The following CDH13 variants were observed in gnomAD, a reference collection of about 807,000 sequenced individuals.
The protein encoded by CDH13 is cadherin 13.
A neutral mutation model predicts 63.8 loss-of-function variants in CDH13; 24 were observed. The observed-to-expected ratio is 0.38, with a 90% confidence interval of 0.27 to 0.53. The LOEUF (loss-of-function observed/expected upper bound fraction) is 0.53, where lower values mean the gene tolerates loss of function less well. CDH13 is among the 20% of genes least tolerant of loss of function. CDH13 has a pLI of 0.85. For missense variants in CDH13, 1,049 were observed against 903.1 expected (o/e 1.16, Z -2.07); for synonymous variants, 503 against 355.3 (o/e 1.42, Z -4.67).
chr16:83,627,324 C>T (rs1311119241), intron 8 of CDH13, among the ~76,000 whole-genome samples: 1 of 152,074 alleles, frequency 6.6e-6, no homozygotes. Flanking sequence ...ATTCATGGAC[C>T]TAATACCCCA....
intron 7 of CDH13, among the ~76,000 whole-genome samples, chr16:83,524,797 G>T (rs1190487880): frequency 6.6e-6 from 1 of 152,068 alleles, no homozygotes; most frequent in Admixed American, 6.5e-5. Context: ...AGAGGTCTTG[G>T]CAAACCTGTA....
intron 7 of CDH13, among the ~76,000 whole-genome samples, chr16:83,547,611 G>A (rs921325633): frequency 2.0e-5 from 3 of 152,182 alleles, no homozygotes; most frequent in South Asian, 2.1e-4. Context: ...CTCCATCCAT[G>A]TTCCTGCAAA....
At chr16:83,023,885 ATGT>A (rs1331197859) in intron 2 of CDH13, among the ~76,000 whole-genome samples, 2 of 152,162 alleles carry the variant, frequency 1.3e-5, no homozygotes, top group Non-Finnish European at 2.9e-5. Flanking sequence ...GTAAAAGAAA[ATGT>A]TGTGGCTTGT....
At chr16:83,112,054 G>T (rs566945507) in intron 3 of CDH13, among the ~76,000 whole-genome samples, 1 of 152,156 alleles carries the variant, frequency 6.6e-6, no homozygotes, top group South Asian at 2.1e-4. Flanking sequence ...GAGTTCTAGG[G>T]CTTTGTTCCA....
At chr16:83,309,555 T>G (rs2089955059) in intron 5 of CDH13, among the ~76,000 whole-genome samples, 1 of 151,986 alleles carries the variant, frequency 6.6e-6, no homozygotes, top group Admixed American at 6.6e-5. Flanking sequence ...TTTTGTATTT[T>G]TAGTGAAGAT....
intron 2 of CDH13, among the ~76,000 whole-genome samples, chr16:82,993,932 C>T (rs538784260): frequency 6.6e-6 from 1 of 152,054 alleles, no homozygotes; most frequent in Non-Finnish European, 1.5e-5. Flanking sequence ...AGCAAGCACT[C>T]CCCCTCCGTT....
At chr16:83,425,394 C>T (rs1200611744) in intron 6 of CDH13, among the ~76,000 whole-genome samples, 1 of 152,232 alleles carries the variant, frequency 6.6e-6, no homozygotes, top group Non-Finnish European at 1.5e-5. Flanking sequence ...ATTGTTCTTA[C>T]CCTTGAACCA....
chr16:83,378,832 C>G (rs1025169237), intron 6 of CDH13, among the ~76,000 whole-genome samples: 8 of 152,202 alleles, frequency 5.3e-5, no homozygotes, highest in African/African-American at 1.4e-4. Context: ...TACAAACACC[C>G]TAAAATCATC....
In CDH13 at chr16:82,915,011, C is replaced by T. The variant is rs188637939; in HGVS notation, c.157+56538C>T. 1.6e-3 allele frequency among the ~76,000 whole-genome samples: 246 copies of T among 152,322 alleles called. 1 individual carries two copies. Among genetic ancestry groups the T allele is most frequent in the Non-Finnish European group, 2.9e-3 (195 of 68,034 alleles). On this transcript the variant is annotated intron_variant, in intron 2 of 13. Transcript: ENST00000567109. ...AATGGAAGCCAGTGTTAAATTTGCA[C>T]GATGTGCAGTGGTCTAAACTTTCAC...
chr16:83,545,027 C>T (rs1470126900), intron 7 of CDH13, among the ~76,000 whole-genome samples: 1 of 152,204 alleles, frequency 6.6e-6, no homozygotes, highest in Non-Finnish European at 1.5e-5. Flanking sequence ...TCACTGGAAA[C>T]ATACTTAATG....
chr16:82,972,440 A>G (rs1048180398), intron 2 of CDH13, among the ~76,000 whole-genome samples: 5 of 152,178 alleles, frequency 3.3e-5, no homozygotes, highest in Admixed American at 3.3e-4. Context: ...CCAGCATCTC[A>G]TCTCTTCTTT....
intron 3 of CDH13, among the ~76,000 whole-genome samples, chr16:83,104,610 G>C (rs976931504): frequency 6.7e-6 from 1 of 149,324 alleles, no homozygotes; most frequent in Non-Finnish European, 1.5e-5. Context: ...AAGAAGAAAT[G>C]TACCAGGCGG....
Position 82,890,421 on chromosome 16 carries a change from C to T in CDH13, c.157+31948C>T, listed in dbSNP as rs190460207. 9.2e-4 allele frequency among the ~76,000 whole-genome samples: 140 copies of T among 152,270 alleles called. 3 individuals are homozygous for T. In the South Asian group the frequency reaches 0.027, roughly 29 times the overall value. ...CCCAGACTTAATGGTCATTTCCAAC[C>T]CTCTTTAAAAACGATTCCTTTGCTA... On this transcript the variant is annotated intron_variant, in intron 2 of 13. Transcript: ENST00000567109.
At chr16:83,360,744 T>C (rs1443345195) in intron 6 of CDH13, among the ~76,000 whole-genome samples, 1 of 152,200 alleles carries the variant, frequency 6.6e-6, no homozygotes, top group African/African-American at 2.4e-5. Context: ...TTCAATAGGA[T>C]AAAGGCTTCC....
chr16:83,779,406 C>CAA lies in CDH13; in HGVS notation c.1682-531_1682-530dup, dbSNP rs144757645. On this transcript the variant is annotated intron_variant, in intron 11 of 13. Coordinates refer to ENST00000567109, the MANE Select transcript of CDH13 (RefSeq NM_001257.5). ...CGGGCGACAGCGCGAGACTCCATCT[C>CAA]AAAAAAAAAAAAAAAAAAAAAAAAA... is the stretch of plus-strand genomic sequence containing the variant. Among the ~76,000 whole-genome samples the CAA allele has an allele frequency of 1.3e-3, 108 of 82,504 alleles. 9 individuals carry two copies. The highest frequency in any genetic ancestry group is 3.1e-3 in the African/African-American group (56 of 17,824). 54.1% of individuals were successfully genotyped at this position (82,504 alleles called of 152,430 possible). A position where few individuals can be genotyped will look rare whatever the true frequency, so the allele number is the denominator to read the frequency against.
At chr16:83,286,483 C>G (rs1162379271) in intron 5 of CDH13, among the ~76,000 whole-genome samples, 3 of 152,038 alleles carry the variant, frequency 2.0e-5, no homozygotes, top group African/African-American at 7.2e-5. Flanking sequence ...AAAATATATC[C>G]TATTCTTCAC....
chr16:83,051,590 G>C (rs1469794258), intron 3 of CDH13, among the ~76,000 whole-genome samples: 1 of 152,186 alleles, frequency 6.6e-6, no homozygotes. Context: ...AATTTACAAT[G>C]ATTGCATGTG....
chr16:83,448,392 G>A (rs538147978), intron 6 of CDH13, among the ~76,000 whole-genome samples: 17 of 152,234 alleles, frequency 1.1e-4, no homozygotes, highest in Admixed American at 1.0e-3. Context: ...AAAGGAAGAG[G>A]GTTCAGCAGT....
At chr16:82,815,011 T>G (rs28585430) in intron 1 of CDH13, among the ~76,000 whole-genome samples, 24,178 of 151,340 alleles carry the variant, frequency 0.16, 2,022 homozygotes, top group Admixed American at 0.22. Context: ...AAACATTTTG[T>G]TTTTTTTTCT....
Sources: gnomAD v4.1 joint callset for allele counts (sites outside exome capture counted in the v4.1 genomes callset) on GRCh38, gnomAD v4.1.1 for gene constraint, MANE v1.5 for transcripts, NCBI Gene and HGNC (gene_info 2026-07-23, HGNC 2026-07-21) for gene names.